ADCY8: variants seen among roughly 807,000 people sequenced by gnomAD.
ADCY8 encodes the protein adenylate cyclase type 8.
ADCY8 carries 51 observed loss-of-function variants against 119.7 expected under a neutral mutation model. The observed-to-expected ratio is 0.43, with a 90% CI of 0.34 to 0.54. ADCY8 has a LOEUF of 0.54. Ranked by LOEUF, ADCY8 falls within the 20% of genes least tolerant of loss-of-function variation. The pLI is 0.03. For synonymous variants in ADCY8, 665 were observed against 651.0 expected (o/e 1.02, Z -0.33); for missense variants, 1,383 against 1,598.8 (o/e 0.87, Z 2.30).
intron 2 of ADCY8, among the ~76,000 whole-genome samples, chr8:130,969,180 T>G (rs182001513): frequency 4.6e-5 from 7 of 152,136 alleles, no homozygotes; most frequent in African/African-American, 1.4e-4. Flanking sequence ...GAAAGCAGAT[T>G]GTCCTTCATA....
At chr8:130,972,146 A>T (rs974146333) in intron 2 of ADCY8, among the ~76,000 whole-genome samples, 24 of 152,206 alleles carry the variant, frequency 1.6e-4, no homozygotes, top group African/African-American at 5.5e-4. Flanking sequence ...TTTCAATAAT[A>T]AAGCAAAAGC....
chr8:130,791,365 C>G (rs979740267), intron 15 of ADCY8, among the ~76,000 whole-genome samples: 1 of 152,182 alleles, frequency 6.6e-6, no homozygotes, highest in African/African-American at 2.4e-5. Flanking sequence ...AGAAAAGGCA[C>G]ATATGTGCAC....
At chr8:130,790,802 G>A (rs1484859564) in intron 15 of ADCY8, among the ~76,000 whole-genome samples, 1 of 152,154 alleles carries the variant, frequency 6.6e-6, no homozygotes, top group South Asian at 2.1e-4. Context: ...GGGCTGAGAT[G>A]GCAGCTCTGG....
chr8:130,896,084 C>T (rs1342816119), intron 7 of ADCY8, among the ~76,000 whole-genome samples: 1 of 152,114 alleles, frequency 6.6e-6, no homozygotes, highest in African/African-American at 2.4e-5. Flanking sequence ...GGCTTAATTC[C>T]TGCTTGCCTG....
intron 2 of ADCY8, among the ~76,000 whole-genome samples, chr8:130,967,814 T>C (rs1821806567): frequency 6.6e-6 from 1 of 152,186 alleles, no homozygotes; most frequent in Admixed American, 6.5e-5. Flanking sequence ...TCCTGATTTG[T>C]TCAATCATTG....
chr8:131,018,237 C>A (rs1392993546), intron 1 of ADCY8, among the ~76,000 whole-genome samples: 1 of 152,096 alleles, frequency 6.6e-6, no homozygotes, highest in African/African-American at 2.4e-5. Context: ...AGAGGTAGTT[C>A]TTTCCCCTCC....
intron 14 of ADCY8, among the ~76,000 whole-genome samples, chr8:130,811,684 C>G (rs1025357892): frequency 1.3e-5 from 2 of 152,206 alleles, no homozygotes; most frequent in Non-Finnish European, 2.9e-5. Flanking sequence ...CATCCACAGG[C>G]ATTTTAAGAG....
intron 1 of ADCY8, among the ~76,000 whole-genome samples, chr8:131,006,870 G>T (rs538785467): frequency 3.0e-4 from 45 of 152,240 alleles, no homozygotes; most frequent in Admixed American, 6.5e-4. Context: ...TTCCATGGAG[G>T]CTTTGTTCTC....
In ADCY8 at chr8:130,780,444, G is replaced by A. The variant is rs1328596584; in HGVS notation, c.3702C>T (p.Ser1234=). The stretch of plus-strand genomic sequence containing the variant: ...CAGCCTGGGCTCCAGGCTCTGTGCC[G>A]CTGGGTGACAACAAAGTCCGCCGGT... ...HYNRRTLLSP[S]GTEPGAQAEG... The change falls in exon 18 of 18, where the codon AGC becomes AGT. Residue 1234 remains serine (S), a synonymous_variant. Transcript: ENST00000286355. 8.7e-6 allele frequency: 14 copies of A among 1,612,878 alleles called. No individual in the cohort carries two copies. Among genetic ancestry groups the A allele is most frequent in the East Asian group, 4.5e-5 (2 of 44,856 alleles).
intron 2 of ADCY8, among the ~76,000 whole-genome samples, chr8:130,978,468 C>T (rs983818595): frequency 3.9e-5 from 6 of 152,102 alleles, no homozygotes; most frequent in South Asian, 2.1e-4. Context: ...ATAATAATCA[C>T]ATATTTGGGG....
rs1043920988 is a variant in ADCY8 at position 130,840,068 on chromosome 8, G to C, written c.2503-3619C>G. The stretch of plus-strand genomic sequence containing the variant: ...ATGGGGAGGTAAGAAAGAGAGAGGA[G>C]TCAGAGGTAGCACTAATATTTCCAC... On this transcript the variant is annotated intron_variant, in intron 11 of 17. Coordinates refer to ENST00000286355, the MANE Select transcript of ADCY8 (RefSeq NM_001115.3). 2.1e-5 allele frequency among the ~76,000 whole-genome samples: 3 copies of C among 139,572 alleles called. 1 individual carries two copies. The highest frequency in any genetic ancestry group is 7.4e-5 in the African/African-American group (3 of 40,794). 91.6% of individuals were successfully genotyped at this position (139,572 alleles called of 152,430 possible).
At chr8:130,900,002 ACTT>A (rs1282236401) in intron 7 of ADCY8, among the ~76,000 whole-genome samples, 6 of 152,172 alleles carry the variant, frequency 3.9e-5, no homozygotes, top group Admixed American at 3.9e-4. Flanking sequence ...GTGATCATAA[ACTT>A]CTTGCCTTCT....
rs1266464525 is a variant in ADCY8 at position 131,040,292 on chromosome 8, T to C, written c.42A>G (p.Glu14=). 1 of 1,558,286 alleles carries C rather than the reference T, an allele frequency of 6.4e-7. No homozygotes were observed. Among genetic ancestry groups the C allele is most frequent in the Admixed American group, 1.9e-5 (1 of 53,140 alleles). The change falls in exon 1 of 18, where the codon GAA becomes GAG. Residue 14 remains glutamate, a synonymous_variant. Coordinates refer to ENST00000286355, the MANE Select transcript of ADCY8 (RefSeq NM_001115.3). ...GGGGCGTCGGGTGGATGGTGTAGAG[T>C]TCCTCGCTGCCTGTAAGGCAGCGCA... The part of the protein sequence containing the change: ...SDVRCLTGSE[E]LYTIHPTPPA...
At chr8:131,030,850 C>T (rs998312783) in intron 1 of ADCY8, among the ~76,000 whole-genome samples, 3 of 152,188 alleles carry the variant, frequency 2.0e-5, no homozygotes, top group South Asian at 2.1e-4. Flanking sequence ...AATTATGTCG[C>T]CTGAAATACA....
At chr8:130,970,698 T>A (rs1360662986) in intron 2 of ADCY8, among the ~76,000 whole-genome samples, 1 of 152,216 alleles carries the variant, frequency 6.6e-6, no homozygotes, top group Non-Finnish European at 1.5e-5. Flanking sequence ...TTCCACTAGT[T>A]GGAATTCACC....
intron 1 of ADCY8, among the ~76,000 whole-genome samples, chr8:131,024,560 C>T (rs2130800433): frequency 6.6e-6 from 1 of 152,286 alleles, no homozygotes; most frequent in East Asian, 1.9e-4. Context: ...GTAATACTTT[C>T]ACAAAATGGC....
intron 5 of ADCY8, among the ~76,000 whole-genome samples, chr8:130,910,705 T>C (rs1478538637): frequency 6.6e-6 from 1 of 152,192 alleles, no homozygotes; most frequent in African/African-American, 2.4e-5. Flanking sequence ...GATATATAGA[T>C]TGATATTGGA....
At chr8:131,034,693 T>C (rs1461103602) in intron 1 of ADCY8, among the ~76,000 whole-genome samples, 1 of 152,116 alleles carries the variant, frequency 6.6e-6, no homozygotes, top group Non-Finnish European at 1.5e-5. Flanking sequence ...ATTGTACAGT[T>C]ATCTTGGAGA....
chr8:130,959,913 C>A (rs1258698534), intron 2 of ADCY8, among the ~76,000 whole-genome samples: 1 of 151,926 alleles, frequency 6.6e-6, no homozygotes, highest in African/African-American at 2.4e-5. Context: ...TCGAGAGTTA[C>A]CAGAAGCAAC....
Sources: allele counts gnomAD v4.1 joint callset (sites outside exome capture counted in the v4.1 genomes callset), GRCh38; gene constraint gnomAD v4.1.1; transcripts MANE v1.5; gene names NCBI Gene and HGNC (gene_info 2026-07-23, HGNC 2026-07-21).